The following ULBP3 variants were observed in gnomAD, a reference collection of about 807,000 sequenced individuals.
ULBP3 encodes UL16-binding protein 3.
In ULBP3, 25 loss-of-function variants were observed where a neutral mutation model predicts 24.9. The observed-to-expected ratio is 1.00, with a 90% confidence interval of 0.73 to 1.40. The LOEUF (loss-of-function observed/expected upper bound fraction) is 1.40, where lower values mean the gene tolerates loss of function less well. Among genes scored for constraint, ULBP3 ranks in the 40% most tolerant of loss-of-function variants. ULBP3 has a pLI of 0.00. For synonymous variants in ULBP3, 114 were observed against 114.7 expected, an observed-to-expected ratio of 0.99 and a Z score of 0.04; for missense variants, 306 against 307.5, an observed-to-expected ratio of 1.00 and a Z score of 0.04.
At position 150,061,613 on chromosome 6, in the gene ULBP3, C is replaced by T. The variant is rs1275813669; in HGVS notation, c.*1761G>A. Among the ~76,000 whole-genome samples, 1 of 152,212 alleles carries T rather than the reference C, an allele frequency of 6.6e-6. No homozygotes were observed. Among genetic ancestry groups the T allele is most frequent in the Non-Finnish European group, 1.5e-5 (1 of 68,036 alleles). ...CTGTGTTTGGTGGCTGCATAGATTTCCATGGTGTTTATGTACCACATTTTT... is the reference window on the plus strand; with the variant it reads ...CTGTGTTTGGTGGCTGCATAGATTTTCATGGTGTTTATGTACCACATTTTT... On this transcript the variant is annotated 3_prime_UTR_variant, in exon 5 of 5. Transcript: ENST00000367339.
At chr6:150,068,519 C>G (rs1401753787) in intron 1 of ULBP3, among the ~76,000 whole-genome samples, 3 of 152,230 alleles carry the variant, frequency 2.0e-5, no homozygotes, top group Non-Finnish European at 4.4e-5. Flanking sequence ...AGAGAACTCA[C>G]GGCCAGCAAG....
intron 1 of ULBP3, 113 bp downstream of exon 1, chr6:150,068,866 C>G (rs934181534): frequency 8.7e-7 from 1 of 1,148,510 alleles, no homozygotes; most frequent in African/African-American, 1.6e-5. Context: ...TGGGGGCAGT[C>G]CGGGGAGATC....
chr6:150,064,715 T>G lies in ULBP3; in HGVS notation c.629-2A>C. The G allele has an allele frequency of 6.2e-7, 1 of 1,613,764 alleles. No homozygotes were observed. The highest frequency in any genetic ancestry group is 8.5e-7 in the Non-Finnish European group (1 of 1,179,792). ...AGCCTGGGGCCATGGTGGGTGGTGCTGAAAGGGAAACACAAAAGTGACAAC... is the reference window on the plus strand; with the variant it reads ...AGCCTGGGGCCATGGTGGGTGGTGCGGAAAGGGAAACACAAAAGTGACAAC... On this transcript the variant is annotated splice_acceptor_variant, in intron 3 of 4. Coordinates refer to ENST00000367339, the MANE Select transcript of ULBP3 (RefSeq NM_024518.3). LOFTEE classifies it high-confidence loss of function.
In ULBP3 at chr6:150,069,017, G is replaced by A; in HGVS notation, c.50C>T (p.Pro17Leu). 2 of 1,612,344 alleles carry A rather than the reference G, an allele frequency of 1.2e-6. No individual in the cohort carries two copies. The highest frequency in any genetic ancestry group is 1.7e-6 in the Non-Finnish European group (2 of 1,179,272). Reference protein sequence around the residue: ...PAILPRLAILPYLLFDWSGTG... With the variant: ...PAILPRLAILLYLLFDWSGTG... ...CCCGGACCAGTCGAATAGCAGGTAC[G>A]GAAGAATCGCGAGGCGCGGAAGGAT... The change falls in exon 1 of 5, where the codon CCG (proline) becomes CTG (leucine). Residue 17 changes from proline to leucine, a missense_variant. Pro to Leu is a moderately conservative substitution (Grantham distance 98). Transcript: ENST00000367339.
chr6:150,066,299 G>A, intron 1 of ULBP3, 137 bp from the exon 2 acceptor site: 1 of 1,006,726 alleles, frequency 9.9e-7, no homozygotes, highest in Non-Finnish European at 1.4e-6. Flanking sequence ...GTCTCTGCCT[G>A]TGGAGGAACC....
In ULBP3 at chr6:150,064,574, G is replaced by T; in HGVS notation, c.*22+11C>A. 6.2e-7 allele frequency: 1 copy of T among 1,608,900 alleles called. No individual in the cohort carries two copies. Among genetic ancestry groups the T allele is most frequent in the African/African-American group, 1.3e-5 (1 of 74,898 alleles). ...TGTCTCTCGTTCCCCTCACAGTTTT[G>T]CCCACAGTACCTGTCACTCTAAATG... On this transcript the variant is annotated intron_variant, in intron 4 of 4. Coordinates refer to ENST00000367339, the MANE Select transcript of ULBP3 (RefSeq NM_024518.3).
rs34547018 is a variant in ULBP3 at position 150,065,616 on chromosome 6, C to T, written c.410G>A (p.Arg137His). The change falls in exon 3 of 5, where the codon CGT becomes CAT. Residue 137 changes from arginine (R) to histidine (H), a missense_variant. By Grantham distance (29) the Arg-to-His change is conservative (BLOSUM62 0). Coordinates refer to ENST00000367339, the MANE Select transcript of ULBP3 (RefSeq NM_024518.3). ...SCECEADGYI[R>H]GSWQFSFDGR... is the part of the protein sequence containing the mutation. ...ATCGAAGCTGAACTGCCAAGATCCA[C>T]GGATGTATCCATCGGCTTCACACTC... The T allele has an allele frequency of 3.1e-3, 5,016 of 1,614,210 alleles. 22 individuals carry two copies. The highest frequency in any genetic ancestry group is 6.1e-3 in the African/African-American group (456 of 75,048).
chr6:150,066,065 A>G lies in ULBP3; in HGVS notation c.186T>C (p.Phe62=), dbSNP rs754993179. 1 of 1,614,242 alleles carries G rather than the reference A, an allele frequency of 6.2e-7. No homozygotes were observed. Among genetic ancestry groups the G allele is most frequent in the Non-Finnish European group, 8.5e-7 (1 of 1,180,048 alleles). The change falls in exon 2 of 5, where the codon TTT becomes TTC. Residue 62 remains phenylalanine (F), a synonymous_variant. Transcript: ENST00000367339. ...EVQSQVDQKN[F]LSYDCGSDKV... ...TGTCACTGCCACAGTCATAGGAGAGAAAATTCTTCTGATCCACCTGGCTCT... is the reference window on the plus strand; with the variant it reads ...TGTCACTGCCACAGTCATAGGAGAGGAAATTCTTCTGATCCACCTGGCTCT...
In ULBP3 at chr6:150,061,944, C is replaced by T. The variant is rs1387691708; in HGVS notation, c.*1430G>A. On this transcript the variant is annotated 3_prime_UTR_variant, in exon 5 of 5. Coordinates refer to ENST00000367339, the MANE Select transcript of ULBP3 (RefSeq NM_024518.3). ...TTGTGACTGGTAAGAGATGGTAACTCATTGCAGTTTTGATTTGCACTTATC... is the reference window on the plus strand; with the variant it reads ...TTGTGACTGGTAAGAGATGGTAACTTATTGCAGTTTTGATTTGCACTTATC... 1.3e-5 allele frequency among the ~76,000 whole-genome samples: 2 copies of T among 152,216 alleles called. No homozygotes were observed. The highest frequency in any genetic ancestry group is 2.1e-4 in the South Asian group (1 of 4,822).
chr6:150,064,603 C>G lies in ULBP3; in HGVS notation c.*4G>C. On this transcript the variant is annotated 3_prime_UTR_variant, in exon 4 of 5. Coordinates refer to ENST00000367339, the MANE Select transcript of ULBP3 (RefSeq NM_024518.3). The stretch of plus-strand genomic sequence containing the variant: ...ACAGTACCTGTCACTCTAAATGACT[C>G]TTCTCAGATGCCAGGGAGGATGAAG... 1 of 1,613,956 alleles carries G rather than the reference C, an allele frequency of 6.2e-7. No individual in the cohort carries two copies. Among genetic ancestry groups the G allele is most frequent in the Non-Finnish European group, 8.5e-7 (1 of 1,179,850 alleles).
chr6:150,065,818 G>A, intron 2 of ULBP3, 81 bp downstream of exon 2: 1 of 1,585,040 alleles, frequency 6.3e-7, no homozygotes, highest in Middle Eastern at 2.0e-4. Context: ...GAGGTCCCAT[G>A]TCTAATTTCT....
In ULBP3 at chr6:150,065,949, C is replaced by T; in HGVS notation, c.302G>A (p.Arg101Lys). 6.2e-7 allele frequency: 1 copy of T among 1,614,222 alleles called. No homozygotes were observed. Among genetic ancestry groups the T allele is most frequent in the South Asian group, 1.1e-5 (1 of 91,086 alleles). Residue 101 changes from arginine (R) to lysine (K), a missense_variant, in exon 2 of 5, where the codon AGG (arginine) becomes AAG (lysine). Arg to Lys is a conservative substitution (Grantham distance 26). Transcript: ENST00000367339. ...AGTGTCAGCCAGTTCCAGTCTGAGC[C>T]TCTGCCCCACCTCTCTCAGCATTTC... is the stretch of plus-strand genomic sequence containing the variant. ...QLEMLREVGQ[R>K]LRLELADTEL...
intron 1 of ULBP3, among the ~76,000 whole-genome samples, chr6:150,068,071 G>C (rs962021160): frequency 6.6e-6 from 1 of 152,068 alleles, no homozygotes; most frequent in African/African-American, 2.4e-5. Flanking sequence ...GGATGGGCAG[G>C]AGCAGGGCCA....
chr6:150,064,635 A>T lies in ULBP3; in HGVS notation c.707T>A (p.Ile236Asn), dbSNP rs759272747. 6.2e-7 allele frequency: 1 copy of T among 1,614,030 alleles called. No homozygotes were observed. Among genetic ancestry groups the T allele is most frequent in the East Asian group, 2.2e-5 (1 of 44,866 alleles). ...TTLSPWSFLIILCFILPGI is the reference protein window; with the variant it reads ...TTLSPWSFLINLCFILPGI ...GATGCCAGGGAGGATGAAGCAGAGGATGATGAGGAAGCTCCAGGGACTGAG... is the reference window on the plus strand; with the variant it reads ...GATGCCAGGGAGGATGAAGCAGAGGTTGATGAGGAAGCTCCAGGGACTGAG... The change falls in exon 4 of 5, where the codon ATC (isoleucine) becomes AAC (asparagine). Residue 236 changes from isoleucine (I) to asparagine (N), a missense_variant. By Grantham distance (149) the Ile-to-Asn change is moderately radical. Coordinates refer to ENST00000367339, the MANE Select transcript of ULBP3 (RefSeq NM_024518.3).
chr6:150,064,528 C>T, intron 4 of ULBP3, 57 bp downstream of exon 4: 1 of 1,509,994 alleles, frequency 6.6e-7, no homozygotes, highest in African/African-American at 1.4e-5. Flanking sequence ...TCTCCTTTCC[C>T]TTCCTCCCAC....
At chr6:150,065,837 C>T (rs1776338015) in intron 2 of ULBP3, 62 bp downstream of exon 2, 1 of 1,598,094 alleles carries the variant, frequency 6.3e-7, no homozygotes, top group African/African-American at 1.3e-5. Context: ...CTTCTCCCCA[C>T]ACACAGAACA....
rs1224754087 is a variant in ULBP3, at chr6:150,061,409, G to A, written c.*1965C>T. On this transcript the variant is annotated 3_prime_UTR_variant, in exon 5 of 5. Coordinates refer to ENST00000367339, the MANE Select transcript of ULBP3 (RefSeq NM_024518.3). ...ACCCAACAGGTGGTTTTTCAGCCCA[G>A]GTGCCCCTCCTGTCTCACCTGTCTA... Among the ~76,000 whole-genome samples, 3 of 152,160 alleles carry A rather than the reference G, an allele frequency of 2.0e-5. No homozygotes were observed. The highest frequency in any genetic ancestry group is 4.4e-5 in the Non-Finnish European group (3 of 68,024).
chr6:150,064,982 G>A (rs994174964), intron 3 of ULBP3, among the ~76,000 whole-genome samples: 21 of 152,110 alleles, frequency 1.4e-4, no homozygotes, highest in African/African-American at 4.3e-4. Flanking sequence ...CCCTAGGGCC[G>A]GGACAGGAGA....
chr6:150,066,273 C>T (rs1582866077), intron 1 of ULBP3, 111 bp from the exon 2 acceptor site: 3 of 1,264,084 alleles, frequency 2.4e-6, no homozygotes, highest in Non-Finnish European at 3.2e-6. Flanking sequence ...GCATGGATTT[C>T]TCTTCCTGGA....
Sources: gnomAD v4.1 joint callset for allele counts (sites outside exome capture counted in the v4.1 genomes callset) on GRCh38, gnomAD v4.1.1 for gene constraint, MANE v1.5 for transcripts, NCBI Gene and HGNC (gene_info 2026-07-23, HGNC 2026-07-21) for gene names.